The following VPS53 variants were observed in gnomAD, a reference collection of about 807,000 sequenced individuals.
VPS53 encodes VPS53 subunit of GARP complex, also known as vacuolar protein sorting-associated protein 53 homolog.
In VPS53, 70 loss-of-function variants were observed where a neutral mutation model predicts 107.0. That is an observed-to-expected ratio of 0.65 (90% CI 0.54 to 0.80). The LOEUF (loss-of-function observed/expected upper bound fraction) is 0.80, where lower values mean the gene tolerates loss of function less well. VPS53 is among the 30% of genes least tolerant of loss of function. The probability of loss-of-function intolerance (pLI) is 0.00; values close to 1 mark genes in which losing one functional copy is unlikely to be tolerated. For synonymous variants in VPS53, 409 were observed against 393.3 expected (o/e 1.04, Z -0.47); for missense variants, 917 against 1,049.4 (o/e 0.87, Z 1.74).
rs531490317 is a variant in VPS53, at chr17:660,147, A to G, written c.372+1662T>C. ...GAAATGGGAGGTTGTAGAGTCAGAC[A>G]GATCTAGGGCTGAACCCCAGCTCTA... On this transcript the variant is annotated intron_variant, in intron 5 of 21. Transcript: ENST00000437048. 3.3e-5 allele frequency among the ~76,000 whole-genome samples: 5 copies of G among 152,382 alleles called. No homozygotes were observed. The East Asian group carries it at 9.6e-4, about 29-fold the overall frequency.
rs147639969 is a variant in VPS53, at chr17:697,690, C to T, written c.219-206G>A. On this transcript the variant is annotated intron_variant, in intron 3 of 21. Transcript: ENST00000437048. ...TCAAGCCCAGTGCAGGCTGATGCAT[C>T]GCCTTGTTGTTAAAAATGCCTATTT... 8.4e-3 allele frequency among the ~76,000 whole-genome samples: 1,278 copies of T among 152,244 alleles called. 17 individuals carry two copies. Among genetic ancestry groups the T allele is most frequent in the African/African-American group, 0.03 (1,231 of 41,552 alleles).
chr17:564,167 G>A lies in VPS53; in HGVS notation c.1314-1422C>T, dbSNP rs546139971. 2.1e-4 allele frequency among the ~76,000 whole-genome samples: 32 copies of A among 149,542 alleles called. No individual in the cohort carries two copies. In the South Asian group the frequency reaches 6.4e-3, roughly 30 times the overall value. ...TCCCAACACTTTGGGAGGCCCAGGC[G>A]GCGGATCACTTGAGGCCAGGAGTTC... On this transcript the variant is annotated intron_variant, in intron 13 of 21. Transcript: ENST00000437048.
intron 2 of VPS53, among the ~76,000 whole-genome samples, chr17:700,361 G>A (rs930997371): frequency 6.6e-6 from 1 of 151,820 alleles, no homozygotes; most frequent in Non-Finnish European, 1.5e-5. Flanking sequence ...AGACCGTCAT[G>A]GCGAAACCCC....
At chr17:550,054 G>C (rs1448224444) in intron 17 of VPS53, among the ~76,000 whole-genome samples, 1 of 152,146 alleles carries the variant, frequency 6.6e-6, no homozygotes, top group Non-Finnish European at 1.5e-5. Context: ...GAGGGAGAGG[G>C]AACTAACATT....
intron 4 of VPS53, among the ~76,000 whole-genome samples, chr17:680,073 C>T (rs1444834576): frequency 6.6e-6 from 1 of 152,182 alleles, no homozygotes; most frequent in African/African-American, 2.4e-5. Flanking sequence ...GTGGGTGAAT[C>T]ATTTCAGGTC....
intron 5 of VPS53, among the ~76,000 whole-genome samples, chr17:658,644 T>A (rs442990): frequency 3.5e-5 from 2 of 56,728 alleles, no homozygotes; most frequent in East Asian, 5.4e-4. Flanking sequence ...TAAAGTGAGA[T>A]ACTCGGCCGT....
intron 15 of VPS53, among the ~76,000 whole-genome samples, chr17:560,204 G>C (rs1912802799): frequency 6.6e-6 from 1 of 152,244 alleles, no homozygotes; most frequent in Admixed American, 6.5e-5. Context: ...GAGGTGACCA[G>C]TCATACTTTC....
intron 15 of VPS53, among the ~76,000 whole-genome samples, chr17:557,855 C>CT (rs773408955): frequency 0.013 from 1,592 of 125,596 alleles, 20 homozygotes; most frequent in Admixed American, 0.037. Context: ...TAAGGATTAT[C>CT]TTTTTTTTTT....
Position 623,650 on chromosome 17 carries a change from A to G in VPS53, c.999T>C (p.Arg333=), listed in dbSNP as rs772132770. ...VTRAELAKIM[R]TRAKEIEVKL... ...TCACTTCAATTTCCTTCGCTCTGGT[A>G]CGCATAATCTTGGCAAGTTCTGCCC... is the stretch of plus-strand genomic sequence containing the variant. Residue 333 remains arginine, a synonymous_variant, in exon 11 of 22, where the codon CGT becomes CGC. Transcript: ENST00000437048. 8 of 1,613,518 alleles carry G rather than the reference A, an allele frequency of 5.0e-6. No homozygotes were observed. Among genetic ancestry groups the G allele is most frequent in the Non-Finnish European group, 5.9e-6 (7 of 1,179,486 alleles).
At chr17:555,558 C>A (rs564367683) in intron 15 of VPS53, among the ~76,000 whole-genome samples, 48 of 152,260 alleles carry the variant, frequency 3.2e-4, no homozygotes, top group African/African-American at 1.1e-3. Flanking sequence ...TGGTCTCGAA[C>A]TCCTGACCTC....
intron 2 of VPS53, among the ~76,000 whole-genome samples, chr17:701,285 C>A (rs527497867): frequency 1.3e-5 from 2 of 151,770 alleles, no homozygotes; most frequent in African/African-American, 4.8e-5. Context: ...ATGTTTGCAC[C>A]ACTGCACTCC....
chr17:677,675 A>T, intron 4 of VPS53, among the ~76,000 whole-genome samples: 1 of 152,166 alleles, frequency 6.6e-6, no homozygotes, highest in Admixed American at 6.5e-5. Flanking sequence ...ACTGAACAGT[A>T]TACTTTAAAT....
chr17:701,550 G>C (rs55823192), intron 2 of VPS53, among the ~76,000 whole-genome samples: 2 of 151,786 alleles, frequency 1.3e-5, no homozygotes, highest in South Asian at 2.1e-4. Context: ...GCTAATTTTT[G>C]TATTTTTAGT....
At chr17:561,224 C>T (rs1421477679) in intron 14 of VPS53, among the ~76,000 whole-genome samples, 1 of 152,188 alleles carries the variant, frequency 6.6e-6, no homozygotes, top group Non-Finnish European at 1.5e-5. Context: ...GGCCAACACC[C>T]ATCACACATC....
rs143192790 is a variant in VPS53 at position 524,770 on chromosome 17, G to A, written c.2086-3032C>T. The stretch of plus-strand genomic sequence containing the variant: ...GCACTGAAATTCACAAATGTACACC[G>A]TAATACACCCATCAGAGTCAGAAGT... On this transcript the variant is annotated intron_variant, in intron 19 of 21. Coordinates refer to ENST00000437048, the MANE Select transcript of VPS53 (RefSeq NM_001128159.3). The surrounding 1 kb of genome is among the most constrained non-coding windows in gnomAD (Gnocchi z 4.5). Among the ~76,000 whole-genome samples the A allele has an allele frequency of 9.8e-3, 1,484 of 152,130 alleles. 23 individuals carry two copies. Among genetic ancestry groups the A allele is most frequent in the African/African-American group, 0.029 (1,216 of 41,480 alleles).
chr17:656,700 ATGTGTGTGTGTGTG>A (rs34123743), intron 5 of VPS53: 39 of 554,570 alleles, frequency 7.0e-5, no homozygotes, highest in African/African-American at 5.0e-4. Flanking sequence ...TGACTAAGAA[ATGTGTGTGTGTGTG>A]TGTGTGTGTG....
chr17:709,870 G>A (rs1973572780), intron 2 of VPS53, among the ~76,000 whole-genome samples: 1 of 152,276 alleles, frequency 6.6e-6, no homozygotes, highest in Non-Finnish European at 1.5e-5. Context: ...CTTGAGGCCG[G>A]GCGCAGTGGC....
At chr17:711,779 A>G (rs1045926642) in intron 1 of VPS53, among the ~76,000 whole-genome samples, 10 of 151,956 alleles carry the variant, frequency 6.6e-5, no homozygotes, top group Non-Finnish European at 1.5e-4. Context: ...TAACAGCCCT[A>G]GACTTATCAG....
At chr17:690,913 T>C (rs1374094045) in intron 4 of VPS53, among the ~76,000 whole-genome samples, 1 of 152,132 alleles carries the variant, frequency 6.6e-6, no homozygotes, top group East Asian at 1.9e-4. Context: ...TGTCTAGACA[T>C]ACAAAAATTT....
Sources: gnomAD v4.1 joint callset for allele counts (sites outside exome capture counted in the v4.1 genomes callset) on GRCh38, gnomAD v4.1.1 for gene constraint, Gnocchi (gnomAD v3.1) non-coding constraint, MANE v1.5 for transcripts, NCBI Gene and HGNC (gene_info 2026-07-23, HGNC 2026-07-21) for gene names.